The following MRTFB variants were observed in gnomAD, a reference collection of about 807,000 sequenced individuals.
MRTFB encodes myocardin related transcription factor B.
In MRTFB, 29 loss-of-function variants were observed where a neutral mutation model predicts 104.2. That is an observed-to-expected ratio of 0.28 (90% CI 0.21 to 0.38). The LOEUF is 0.38. Among genes scored for constraint, MRTFB ranks in the 10% least tolerant of loss-of-function variants. The pLI is 1.00. For synonymous variants in MRTFB, 535 were observed against 519.5 expected (o/e 1.03, Z -0.41); for missense variants, 1,270 against 1,341.6 (o/e 0.95, Z 0.83).
intron 3 of MRTFB, chr16:14,143,981 C>A (rs774715442): frequency 1.3e-5 from 2 of 152,188 alleles, no homozygotes; most frequent in Non-Finnish European, 2.9e-5. Flanking sequence ...TATTTGACTA[C>A]GTTTTAAAAA....
the MRTFB span, among the ~76,000 whole-genome samples, chr16:14,017,705 ATATATATTT>A: frequency 2.1e-4 from 6 of 28,262 alleles, 2 homozygotes; most frequent in Non-Finnish European, 5.6e-4. Context: ...ATATATATAT[ATATATATTT>A]TTTTTTTTTT....
intron 8 of MRTFB, among the ~76,000 whole-genome samples, chr16:14,228,007 A>G (rs762028414): frequency 6.6e-6 from 1 of 152,166 alleles, no homozygotes; most frequent in Non-Finnish European, 1.5e-5. Context: ...TTAAGAGGAT[A>G]TGCAATTGGC....
At chr16:14,077,037 G>A (rs1192246181) in intron 1 of MRTFB, among the ~76,000 whole-genome samples, 1 of 152,036 alleles carries the variant, frequency 6.6e-6, no homozygotes, top group Non-Finnish European at 1.5e-5. Flanking sequence ...CCCTTTGTTA[G>A]GTTGCAGTTT....
intron 2 of MRTFB, among the ~76,000 whole-genome samples, chr16:14,100,513 A>G (rs2035639732): frequency 6.6e-6 from 1 of 152,172 alleles, no homozygotes; most frequent in Non-Finnish European, 1.5e-5. Context: ...TAGAATTTTT[A>G]TATCTCTGCT....
Position 14,247,332 on chromosome 16 carries a change from A to T in MRTFB, c.2072A>T (p.Gln691Leu). Residue 691 changes from glutamine (Q) to leucine (L), a missense_variant, in exon 12 of 17, where the codon CAG becomes CTG. Gln to Leu is a moderately radical substitution (Grantham distance 113, BLOSUM62 -2). This residue lies in a region of MRTFB where 1,144 missense variants were observed against 1,131.5 expected (regional missense o/e 1.01). Transcript: ENST00000571589. ...KQEVPVGQAEQQSVVSQFYVS... is the reference protein window; with the variant it reads ...KQEVPVGQAELQSVVSQFYVS... ...GAGGTCCCTGTGGGCCAGGCAGAGC[A>T]GCAGAGTGTCGTCTCGCAGTTTTAT... 1 of 1,614,238 alleles carries T rather than the reference A, an allele frequency of 6.2e-7. No homozygotes were observed. The highest frequency in any genetic ancestry group is 8.5e-7 in the Non-Finnish European group (1 of 1,180,046).
chr16:14,194,981 A>G (rs1426685619), intron 3 of MRTFB, among the ~76,000 whole-genome samples: 1 of 152,148 alleles, frequency 6.6e-6, no homozygotes, highest in Non-Finnish European at 1.5e-5. Flanking sequence ...ACCAATTTCT[A>G]GGCTATTGAA....
chr16:14,188,303 AG>A (rs1199750849), intron 3 of MRTFB, among the ~76,000 whole-genome samples: 1 of 152,198 alleles, frequency 6.6e-6, no homozygotes, highest in Non-Finnish European at 1.5e-5. Context: ...ATTTCTTAAA[AG>A]TTTGAGAATT....
the MRTFB span, among the ~76,000 whole-genome samples, chr16:14,022,448 G>A: frequency 2.6e-5 from 4 of 152,284 alleles, no homozygotes; most frequent in Non-Finnish European, 4.4e-5. Context: ...CCAGGCTAGA[G>A]TACAGTGGCG....
At chr16:14,072,002 C>T (rs1284951639) in intron 1 of MRTFB, among the ~76,000 whole-genome samples, 1 of 152,140 alleles carries the variant, frequency 6.6e-6, no homozygotes, top group East Asian at 1.9e-4. Flanking sequence ...ATTGTTTGGC[C>T]CTGCTTGGAA....
the MRTFB span, among the ~76,000 whole-genome samples, chr16:14,043,049 G>A: frequency 6.6e-6 from 1 of 152,182 alleles, no homozygotes; most frequent in African/African-American, 2.4e-5. Context: ...CAAAGGAACG[G>A]GTCCTCTGGG....
the MRTFB span, among the ~76,000 whole-genome samples, chr16:14,062,882 C>T: frequency 1.3e-5 from 2 of 152,146 alleles, no homozygotes; most frequent in East Asian, 3.8e-4. Flanking sequence ...CCCACTATGC[C>T]ACTGGGAGCT....
chr16:14,146,292 A>G (rs934841925), intron 3 of MRTFB, among the ~76,000 whole-genome samples: 1 of 152,170 alleles, frequency 6.6e-6, no homozygotes, highest in Non-Finnish European at 1.5e-5. Flanking sequence ...TCTGTTCACT[A>G]TGAAGTAGTC....
At chr16:14,108,353 A>G (rs1235977738) in intron 2 of MRTFB, among the ~76,000 whole-genome samples, 1 of 152,248 alleles carries the variant, frequency 6.6e-6, no homozygotes, top group Non-Finnish European at 1.5e-5. Context: ...CGTTCAGGAA[A>G]GAACACTGTG....
Position 14,261,705 on chromosome 16 carries a change from T to C in MRTFB, c.*261T>C, listed in dbSNP as rs994429034. ...AGACGACTCATCTATTTCTCCAGAC[T>C]TCAGTAAAGAATGAAAAGTACCTTT... On this transcript the variant is annotated 3_prime_UTR_variant, in exon 17 of 17. Transcript: ENST00000571589. The C allele has an allele frequency of 7.4e-6, 3 of 405,732 alleles. No individual in the cohort carries two copies. The highest frequency in any genetic ancestry group is 1.3e-5 in the Non-Finnish European group (3 of 228,986). 25.1% of individuals were successfully genotyped at this position (405,732 alleles called of 1,614,324 possible). A position where few individuals can be genotyped will look rare whatever the true frequency, so the allele number is the denominator to read the frequency against.
Position 14,109,894 on chromosome 16 carries a change from T to C in MRTFB, c.-64+30540T>C, listed in dbSNP as rs561315566. 2.0e-3 allele frequency among the ~76,000 whole-genome samples: 307 copies of C among 152,326 alleles called. 2 individuals are homozygous for C. Among genetic ancestry groups the C allele is most frequent in the Middle Eastern group, 6.8e-3 (2 of 294 alleles). On this transcript the variant is annotated intron_variant, in intron 2 of 16. Transcript: ENST00000571589. ...AATATCAAATACAAATTCCAGTGTTTGCCAGGGAACCATACACATGGCTCA... is the reference window on the plus strand; with the variant it reads ...AATATCAAATACAAATTCCAGTGTTCGCCAGGGAACCATACACATGGCTCA...
the MRTFB span, among the ~76,000 whole-genome samples, chr16:14,036,487 CAT>C: frequency 6.8e-6 from 1 of 147,194 alleles, no homozygotes. Flanking sequence ...TATATTCCAT[CAT>C]ATATATGTTG....
the MRTFB span, among the ~76,000 whole-genome samples, chr16:14,000,525 C>T: frequency 2.6e-5 from 4 of 152,232 alleles, no homozygotes; most frequent in Non-Finnish European, 5.9e-5. Context: ...AATGATTTTC[C>T]CCAAATCACA....
the MRTFB span, among the ~76,000 whole-genome samples, chr16:14,055,729 G>A: frequency 6.6e-6 from 1 of 151,808 alleles, no homozygotes; most frequent in Non-Finnish European, 1.5e-5. Flanking sequence ...TTATTACTAG[G>A]GATGTTAACT....
chr16:14,073,619 T>C (rs1777678600), intron 1 of MRTFB, among the ~76,000 whole-genome samples: 2 of 152,234 alleles, frequency 1.3e-5, no homozygotes, highest in African/African-American at 4.8e-5. Context: ...AGATTGGCTG[T>C]GTTTAATGGA....
Sources: gnomAD v4.1 joint callset for allele counts (sites outside exome capture counted in the v4.1 genomes callset) on GRCh38, gnomAD v4.1.1 for gene constraint, gnomAD v4.1.1 regional missense constraint, MANE v1.5 for transcripts, NCBI Gene and HGNC (gene_info 2026-07-23, HGNC 2026-07-21) for gene names.